IL31RA: variants seen among roughly 807,000 people sequenced by gnomAD.
IL31RA encodes interleukin 31 receptor A, also known as interleukin-31 receptor subunit alpha.
IL31RA carries 66 observed loss-of-function variants against 83.7 expected under a neutral mutation model. The ratio of observed to expected loss-of-function variants is 0.79; its 90% CI spans 0.65 to 0.97. The LOEUF (loss-of-function observed/expected upper bound fraction) is 0.97. Ranked by LOEUF, IL31RA falls within the 50% of genes least tolerant of loss-of-function variation. The pLI is 0.00. For missense variants in IL31RA, 798 were observed against 919.4 expected, an observed-to-expected ratio of 0.87 and a Z score of 1.71; for synonymous variants, 325 against 329.0, an observed-to-expected ratio of 0.99 and a Z score of 0.13.
At chr5:55,914,037 G>A (rs1387586201) in intron 13 of IL31RA, among the ~76,000 whole-genome samples, 1 of 152,244 alleles carries the variant, frequency 6.6e-6, no homozygotes, top group Non-Finnish European at 1.5e-5. Context: ...GTGGTGCAGT[G>A]TTGAGGGTCT....
intron 1 of IL31RA, among the ~76,000 whole-genome samples, chr5:55,852,877 T>A (rs1745143582): frequency 6.6e-6 from 1 of 152,200 alleles, no homozygotes; most frequent in Non-Finnish European, 1.5e-5. Flanking sequence ...AAAGTGGGAA[T>A]AAAAATACTC....
chr5:55,900,270 G>A, intron 8 of IL31RA, 138 bp downstream of exon 8: 1 of 720,792 alleles, frequency 1.4e-6, no homozygotes, highest in East Asian at 2.6e-5. Context: ...TTGTGGTGAA[G>A]CAATGAGAAT....
chr5:55,916,217 CA>C (rs1749769844), intron 14 of IL31RA, among the ~76,000 whole-genome samples: 1 of 151,890 alleles, frequency 6.6e-6, no homozygotes. Context: ...CCCATCTCTA[CA>C]AAAAATTAAA....
chr5:55,867,233 T>G lies in IL31RA; in HGVS notation c.155-1558T>G, dbSNP rs939850532. 4.3e-3 allele frequency among the ~76,000 whole-genome samples: 466 copies of G among 109,016 alleles called. 15 individuals are homozygous for G. The highest frequency in any genetic ancestry group is 0.016 in the African/African-American group (367 of 23,576). 71.5% of individuals were successfully genotyped at this position (109,016 alleles called of 152,430 possible). On this transcript the variant is annotated intron_variant, in intron 2 of 14. Transcript: ENST00000652347. ...TGCGCATGTGTGTTTGTGTGTGTGTTTGTGTGTGTGTTTGTGTGTGCGTGT... is the reference window on the plus strand; with the variant it reads ...TGCGCATGTGTGTTTGTGTGTGTGTGTGTGTGTGTGTTTGTGTGTGCGTGT...
At chr5:55,898,327 GC>G (rs1230556759) in intron 7 of IL31RA, among the ~76,000 whole-genome samples, 7 of 45,978 alleles carry the variant, frequency 1.5e-4, no homozygotes, top group African/African-American at 5.5e-4. Context: ...CCACCCCCCC[GC>G]CCCCCCGCAC....
At chr5:55,876,365 C>T (rs1746849815) in intron 4 of IL31RA, among the ~76,000 whole-genome samples, 1 of 152,200 alleles carries the variant, frequency 6.6e-6, no homozygotes, top group Admixed American at 6.5e-5. Context: ...GAGATCATGC[C>T]ACTACACTCC....
chr5:55,914,714 T>G, intron 13 of IL31RA, 133 bp from the exon 14 acceptor site: 1 of 744,338 alleles, frequency 1.3e-6, no homozygotes, highest in Admixed American at 2.0e-5. Context: ...CCAGGTTCTA[T>G]TAGGCAGACA....
Position 55,922,355 on chromosome 5 carries a change from C to T in IL31RA, c.*5235C>T, listed in dbSNP as rs564653185. On this transcript the variant is annotated 3_prime_UTR_variant, in exon 15 of 15. Transcript: ENST00000652347. Reference sequence around the variant, plus strand: ...TGTCAGCAATGCTCTCGTGGCTGTTCAAGGGAAGTGAGATACTTGTACTAT... The same window carrying T: ...TGTCAGCAATGCTCTCGTGGCTGTTTAAGGGAAGTGAGATACTTGTACTAT... 2 of 1,533,570 alleles carry T rather than the reference C, an allele frequency of 1.3e-6. No individual in the cohort carries two copies. The highest frequency in any genetic ancestry group is 1.2e-5 in the South Asian group (1 of 83,724). 95.0% of individuals were successfully genotyped at this position (1,533,570 alleles called of 1,614,324 possible).
At chr5:55,909,026 C>A in intron 11 of IL31RA, 1 of 385,996 alleles carries the variant, frequency 2.6e-6, no homozygotes, top group Non-Finnish European at 3.7e-6. Context: ...AAGCCCTATA[C>A]CCATTCATTA....
intron 7 of IL31RA, 141 bp downstream of exon 7, chr5:55,896,570 C>T (rs1202345021): frequency 6.1e-6 from 3 of 489,080 alleles, no homozygotes; most frequent in South Asian, 3.8e-5. Flanking sequence ...CCTCCCCTCC[C>T]CTCCCTTCCC....
chr5:55,849,398 A>T (rs1580635054), upstream of IL31RA, among the ~76,000 whole-genome samples: 1 of 152,056 alleles, frequency 6.6e-6, no homozygotes, highest in East Asian at 1.9e-4. Context: ...TCCTAACCCC[A>T]TTCTTTCAAT....
chr5:55,910,511 A>G, intron 11 of IL31RA, 21 bp from the exon 12 acceptor site: 2 of 1,613,764 alleles, frequency 1.2e-6, no homozygotes, highest in Non-Finnish European at 1.7e-6. Context: ...GTGGTGTTTG[A>G]CCTTTGTATT....
intron 7 of IL31RA, among the ~76,000 whole-genome samples, chr5:55,898,297 G>A (rs935981935): frequency 2.0e-5 from 3 of 151,944 alleles, no homozygotes; most frequent in African/African-American, 7.3e-5. Flanking sequence ...CGCCTGTTGG[G>A]TCTGGTCTTT....
At chr5:55,908,240 T>C (rs372796751) in intron 10 of IL31RA, 25 bp from the exon 11 acceptor site, 75 of 1,613,692 alleles carry the variant, frequency 4.6e-5, no homozygotes, top group Non-Finnish European at 5.4e-5. Context: ...TCAGTGATTA[T>C]CATTTATCCC....
At chr5:55,887,498 G>A (rs1747688901) in intron 5 of IL31RA, among the ~76,000 whole-genome samples, 1 of 152,206 alleles carries the variant, frequency 6.6e-6, no homozygotes, top group African/African-American at 2.4e-5. Context: ...CCAGCACTTT[G>A]GGAGGCCGAG....
chr5:55,862,163 G>C (rs886255285), intron 2 of IL31RA, among the ~76,000 whole-genome samples: 2 of 152,244 alleles, frequency 1.3e-5, no homozygotes, highest in South Asian at 4.1e-4. Flanking sequence ...CTAACCTTCA[G>C]TTGTTTGTAT....
chr5:55,851,020 G>C, upstream of IL31RA, among the ~76,000 whole-genome samples: 1 of 152,038 alleles, frequency 6.6e-6, no homozygotes, highest in East Asian at 1.9e-4. Flanking sequence ...ACTTCAACCC[G>C]GGAGGTGGAG....
chr5:55,848,169 C>T (rs1431597565), upstream of IL31RA, among the ~76,000 whole-genome samples: 1 of 152,186 alleles, frequency 6.6e-6, no homozygotes, highest in East Asian at 1.9e-4. Context: ...GTCATCAAGT[C>T]TAGCATACCC....
At chr5:55,871,182 C>T (rs922031658) in intron 3 of IL31RA, among the ~76,000 whole-genome samples, 26 of 152,200 alleles carry the variant, frequency 1.7e-4, no homozygotes, top group East Asian at 1.9e-4. Flanking sequence ...GGCAAAGCCA[C>T]GATTCAAACC....
Sources: gnomAD v4.1 joint callset for allele counts (sites outside exome capture counted in the v4.1 genomes callset) on GRCh38, gnomAD v4.1.1 for gene constraint, MANE v1.5 for transcripts, NCBI Gene and HGNC (gene_info 2026-07-23, HGNC 2026-07-21) for gene names.